The following RBM19 variants were observed in gnomAD, a reference collection of about 807,000 sequenced individuals.
RBM19 encodes RNA binding motif protein 19, also known as probable RNA-binding protein 19.
In RBM19, 94 loss-of-function variants were observed where a neutral mutation model predicts 116.8. The ratio of observed to expected loss-of-function variants is 0.80; its 90% CI spans 0.68 to 0.95. The LOEUF (loss-of-function observed/expected upper bound fraction) is 0.95, where lower values mean the gene tolerates loss of function less well. Ranked by LOEUF, RBM19 falls within the 40% of genes least tolerant of loss-of-function variation. RBM19 has a pLI of 0.00. For synonymous variants in RBM19, 475 were observed against 494.1 expected (o/e 0.96, Z 0.51); for missense variants, 1,161 against 1,220.7 (o/e 0.95, Z 0.73).
intron 21 of RBM19, among the ~76,000 whole-genome samples, chr12:113,873,473 T>A (rs1879435146): frequency 1.1e-5 from 1 of 87,240 alleles, no homozygotes; most frequent in Non-Finnish European, 2.3e-5. Context: ...AACAGATGCT[T>A]GAAGGCAGCA....
chr12:113,941,770 T>C (rs528400425), intron 14 of RBM19, among the ~76,000 whole-genome samples: 1 of 152,312 alleles, frequency 6.6e-6, no homozygotes, highest in South Asian at 2.1e-4. Context: ...AAGGGCTGTT[T>C]TGGGAGTCAG....
intron 19 of RBM19, among the ~76,000 whole-genome samples, chr12:113,919,532 C>T (rs1469746052): frequency 6.6e-6 from 1 of 152,244 alleles, no homozygotes; most frequent in East Asian, 1.9e-4. Flanking sequence ...GATCGCGCCA[C>T]TGCACTCCAG....
At chr12:113,883,603 T>A (rs1880299498) in intron 21 of RBM19, among the ~76,000 whole-genome samples, 1 of 152,250 alleles carries the variant, frequency 6.6e-6, no homozygotes, top group African/African-American at 2.4e-5. Flanking sequence ...TGCCTACAGA[T>A]ATTTTTCCCA....
At chr12:113,854,012 C>A (rs1877682795) in intron 22 of RBM19, among the ~76,000 whole-genome samples, 1 of 152,002 alleles carries the variant, frequency 6.6e-6, no homozygotes, top group African/African-American at 2.4e-5. Context: ...CTACCCAGAG[C>A]CTGGCGTGGA....
Position 113,903,520 on chromosome 12 carries a change from T to C in RBM19, c.2558+11449A>G, listed in dbSNP as rs1881846702. Among the ~76,000 whole-genome samples the C allele has an allele frequency of 6.6e-6, 1 of 152,248 alleles. No individual in the cohort carries two copies. The highest frequency in any genetic ancestry group is 1.5e-5 in the Non-Finnish European group (1 of 68,046). On this transcript the variant is annotated intron_variant, in intron 21 of 23. Transcript: ENST00000261741. This position sits in a 1 kb window ranked among gnomAD's most constrained non-coding sequence, Gnocchi z 5.1. ...CATAGAGAAAGTGCACGTTTTACTT[T>C]GTAAGAAACTGCCCACACTTGGAAT...
Position 113,957,941 on chromosome 12 carries a change from C to G in RBM19, c.681G>C (p.Glu227Asp). The G allele has an allele frequency of 1.2e-6, 2 of 1,614,196 alleles. No individual in the cohort carries two copies. The highest frequency in any genetic ancestry group is 1.7e-6 in the Non-Finnish European group (2 of 1,180,024). The change falls in exon 6 of 24, where the codon GAG (glutamate) becomes GAC (aspartate). Residue 227 changes from glutamate to aspartate, a missense_variant. Transcript: ENST00000261741. Reference protein sequence around the residue: ...KAGSSSSSEEEESEDEAVHCD... With the variant: ...KAGSSSSSEEDESEDEAVHCD... Reference sequence around the variant, plus strand: ...AGTGCACGGCTTCATCTTCACTTTCCTCTTCCTCCGAGGAAGAGGACGACC... The same window carrying G: ...AGTGCACGGCTTCATCTTCACTTTCGTCTTCCTCCGAGGAAGAGGACGACC...
chr12:113,885,452 G>A (rs960110820), intron 21 of RBM19, among the ~76,000 whole-genome samples: 1 of 152,218 alleles, frequency 6.6e-6, no homozygotes, highest in African/African-American at 2.4e-5. Context: ...AATGTAACGT[G>A]TGGTTCTGGA....
intron 8 of RBM19, among the ~76,000 whole-genome samples, chr12:113,950,931 T>C (rs1443208383): frequency 6.6e-6 from 1 of 152,036 alleles, no homozygotes; most frequent in East Asian, 1.9e-4. Flanking sequence ...CCATCACCAC[T>C]GATCCTCCCT....
At position 113,893,704 on chromosome 12, in the gene RBM19, C is replaced by T. The variant is rs1169370678; in HGVS notation, c.2558+21265G>A. ...GAATCATTAGATCAAAAGGTATCAG[C>T]GTTTTAAAGAATCTAGATCCGTGCT... On this transcript the variant is annotated intron_variant, in intron 21 of 23. Coordinates refer to ENST00000261741, the MANE Select transcript of RBM19 (RefSeq NM_016196.4). Among the ~76,000 whole-genome samples, 5 of 152,250 alleles carry T rather than the reference C, an allele frequency of 3.3e-5. No individual in the cohort carries two copies. In the East Asian group the frequency reaches 5.8e-4, roughly 18 times the overall value.
At chr12:113,962,492 G>A (rs1593662286) in intron 1 of RBM19, 78 bp from the exon 2 acceptor site, 1 of 1,427,774 alleles carries the variant, frequency 7.0e-7, no homozygotes, top group East Asian at 2.3e-5. Flanking sequence ...GGAAACCTGA[G>A]GCCACGAGAT....
intron 21 of RBM19, among the ~76,000 whole-genome samples, chr12:113,872,342 T>G (rs1030665074): frequency 1.4e-5 from 2 of 148,048 alleles, no homozygotes; most frequent in African/African-American, 5.0e-5. Flanking sequence ...CCGCCCCGTC[T>G]GAGAAGTGAG....
intron 22 of RBM19, among the ~76,000 whole-genome samples, chr12:113,845,693 C>T (rs377123801): frequency 9.2e-5 from 14 of 152,258 alleles, no homozygotes; most frequent in African/African-American, 3.1e-4. Context: ...CGGAATCATA[C>T]GGTAGTGATC....
At chr12:113,950,896 CCT>C (rs895218413) in intron 8 of RBM19, among the ~76,000 whole-genome samples, 1 of 152,090 alleles carries the variant, frequency 6.6e-6, no homozygotes, top group African/African-American at 2.4e-5. Context: ...TTTCCCTCCC[CCT>C]CTCCATGGCC....
At chr12:113,927,000 A>G in intron 17 of RBM19, 54 bp downstream of exon 17, 1 of 1,558,316 alleles carries the variant, frequency 6.4e-7, no homozygotes. Context: ...CCGTATCAGT[A>G]GACTGGGGTT....
intron 21 of RBM19, among the ~76,000 whole-genome samples, chr12:113,871,450 T>A (rs865901445): frequency 4.6e-4 from 70 of 151,348 alleles, no homozygotes; most frequent in Non-Finnish European, 7.6e-4. Flanking sequence ...GATGCACACA[T>A]TTTTTCTATA....
At chr12:113,948,068 A>G (rs960071409) in intron 10 of RBM19, among the ~76,000 whole-genome samples, 1 of 152,202 alleles carries the variant, frequency 6.6e-6, no homozygotes, top group African/African-American at 2.4e-5. Flanking sequence ...CTTGGAGGTC[A>G]GGTCAATTTT....
chr12:113,950,086 T>C lies in RBM19; in HGVS notation c.1069A>G (p.Met357Val), dbSNP rs1259031274. 2.5e-6 allele frequency: 4 copies of C among 1,603,012 alleles called. No individual in the cohort carries two copies. Among genetic ancestry groups the C allele is most frequent in the South Asian group, 2.2e-5 (2 of 90,748 alleles). The change falls in exon 9 of 24, where the codon ATG (methionine) becomes GTG (valine). Residue 357 changes from methionine (M) to valine (V), a missense_variant. By Grantham distance (21) the Met-to-Val change is conservative (BLOSUM62 1). Coordinates refer to ENST00000261741, the MANE Select transcript of RBM19 (RefSeq NM_016196.4). ...KQALKCNREYMGGRYIEVFRE... is the reference protein window; with the variant it reads ...KQALKCNREYVGGRYIEVFRE... ...CACATGGCCAGGGCTTCCTTACCCA[T>C]GTACTCCCGGTTGCATTTCAGAGCT...
intron 21 of RBM19, among the ~76,000 whole-genome samples, chr12:113,866,248 C>T (rs543942440): frequency 2.3e-4 from 35 of 152,204 alleles, no homozygotes; most frequent in African/African-American, 5.3e-4. Context: ...TCACCATCAA[C>T]GCAATATTCC....
intron 23 of RBM19, among the ~76,000 whole-genome samples, chr12:113,833,657 G>A (rs949844372): frequency 3.9e-5 from 6 of 152,184 alleles, no homozygotes; most frequent in African/African-American, 1.4e-4. Flanking sequence ...TGCTGACTTG[G>A]CAGAAAGACT....
Sources: allele counts gnomAD v4.1 joint callset (sites outside exome capture counted in the v4.1 genomes callset), GRCh38; gene constraint gnomAD v4.1.1; non-coding constraint Gnocchi (gnomAD v3.1); transcripts MANE v1.5; gene names NCBI Gene and HGNC (gene_info 2026-07-23, HGNC 2026-07-21).